The following MTOR variants were observed in gnomAD, a reference collection of about 807,000 sequenced individuals.
MTOR encodes serine/threonine-protein kinase mTOR.
Under a neutral mutation model 319.8 loss-of-function variants are expected in MTOR, and 70 were observed. The ratio of observed to expected loss-of-function variants is 0.22; its 90% confidence interval spans 0.18 to 0.27. The LOEUF (loss-of-function observed/expected upper bound fraction) is 0.27. MTOR is among the 10% of genes least tolerant of loss of function. MTOR has a pLI of 1.00. For missense variants in MTOR, 1,890 were observed against 3,274.4 expected, an observed-to-expected ratio of 0.58 and a Z score of 10.32; for synonymous variants, 1,183 against 1,211.4, an observed-to-expected ratio of 0.98 and a Z score of 0.49.
intron 12 of MTOR, 76 bp from the exon 13 acceptor site, chr1:11,238,124 T>C: frequency 7.1e-7 from 1 of 1,401,838 alleles, no homozygotes; most frequent in South Asian, 1.2e-5. Context: ...CTACCTCCAC[T>C]GCCATCAGCG....
intron 26 of MTOR, among the ~76,000 whole-genome samples, chr1:11,201,451 CA>C (rs1372391925): frequency 2.0e-5 from 3 of 152,182 alleles, no homozygotes; most frequent in African/African-American, 4.8e-5. Context: ...CCAACAGTCT[CA>C]GGGGCCATCA....
At chr1:11,241,968 A>G (rs1648099849) in intron 9 of MTOR, among the ~76,000 whole-genome samples, 1 of 152,234 alleles carries the variant, frequency 6.6e-6, no homozygotes, top group South Asian at 2.1e-4. Flanking sequence ...GCTCACCAAG[A>G]TAATTATGTA....
chr1:11,258,094 T>G, intron 3 of MTOR, among the ~76,000 whole-genome samples: 2 of 136,996 alleles, frequency 1.5e-5, no homozygotes, highest in East Asian at 2.2e-4. Flanking sequence ...CCGGCAAGAG[T>G]GAGACTCCAT....
chr1:11,211,716 G>T (rs1182613090), intron 23 of MTOR, among the ~76,000 whole-genome samples: 1 of 152,140 alleles, frequency 6.6e-6, no homozygotes, highest in African/African-American at 2.4e-5. Flanking sequence ...CACTGATACT[G>T]CTTGTCCAGG....
Position 11,238,055 on chromosome 1 carries a change from G to T in MTOR, c.2003-7C>A. The T allele has an allele frequency of 6.2e-7, 1 of 1,613,940 alleles. No individual in the cohort carries two copies. The highest frequency in any genetic ancestry group is 1.1e-5 in the South Asian group (1 of 91,058). ...CAGTAGCGAATGTCAGGGTCTGCAA[G>T]AGCAATGGAGCCTTTGAACATTTCC... On this transcript the variant is annotated splice_polypyrimidine_tract_variant and splice_region_variant and intron_variant, in intron 12 of 57. Coordinates refer to ENST00000361445, the MANE Select transcript of MTOR (RefSeq NM_004958.4).
intron 34 of MTOR, among the ~76,000 whole-genome samples, chr1:11,141,315 A>G (rs1643690182): frequency 6.6e-6 from 1 of 151,776 alleles, no homozygotes; most frequent in South Asian, 2.1e-4. Context: ...GTTTTGCCAC[A>G]TTGCCAAGGC....
chr1:11,199,332 A>G lies in MTOR; in HGVS notation c.4179T>C (p.Tyr1393=), dbSNP rs957704622. The part of the protein sequence containing the change: ...LGERAAKCRA[Y]AKALHYKELE... The stretch of plus-strand genomic sequence containing the variant: ...GTTCTTTGTAGTGTAGTGCTTTGGC[A>G]TATGCTCGGCACTTGGCAGCTCTCT... The change falls in exon 28 of 58, where the codon TAT becomes TAC. Residue 1393 remains tyrosine, a synonymous_variant. Transcript: ENST00000361445. The surrounding 1 kb of genome is among the most constrained non-coding windows in gnomAD (Gnocchi z 4.5). The G allele has an allele frequency of 1.9e-6, 3 of 1,614,164 alleles. No individual in the cohort carries two copies. Among genetic ancestry groups the G allele is most frequent in the Non-Finnish European group, 1.7e-6 (2 of 1,180,028 alleles).
chr1:11,241,185 G>A (rs1303018600), intron 10 of MTOR, among the ~76,000 whole-genome samples: 1 of 151,928 alleles, frequency 6.6e-6, no homozygotes, highest in African/African-American at 2.4e-5. Context: ...GCCAGGCGTG[G>A]TGGCAGGCGC....
At chr1:11,206,494 T>C (rs1646142932) in intron 25 of MTOR, among the ~76,000 whole-genome samples, 2 of 152,234 alleles carry the variant, frequency 1.3e-5, no homozygotes, top group South Asian at 4.1e-4. Context: ...CGACAGCACC[T>C]AACTCATGGG....
intron 19 of MTOR, among the ~76,000 whole-genome samples, 153 bp downstream of exon 19, chr1:11,228,515 T>C (rs1330346108): frequency 2.6e-5 from 4 of 152,068 alleles, no homozygotes; most frequent in African/African-American, 9.7e-5. Flanking sequence ...TGGAGTGAGC[T>C]GATTGTACAC....
At chr1:11,231,890 AT>A (rs879698944) in intron 16 of MTOR, among the ~76,000 whole-genome samples, 147 of 145,268 alleles carry the variant, frequency 1.0e-3, no homozygotes, top group Middle Eastern at 3.5e-3. Flanking sequence ...ATGCCCAGCT[AT>A]TTTTTTTTTT....
Position 11,130,692 on chromosome 1 carries a change from A to G in MTOR, c.5450T>C (p.Leu1817Pro), listed in dbSNP as rs2100432168. 1.2e-6 allele frequency: 2 copies of G among 1,609,418 alleles called. No individual in the cohort carries two copies. The highest frequency in any genetic ancestry group is 1.7e-6 in the Non-Finnish European group (2 of 1,178,198). ...QNQARDEKKK[L>P]RHASGANITN... ...GATGTTGGCCCCGCTGGCATGACGC[A>G]GTTTCTTCTTCTCATCGCGGGCTTG... Residue 1817 changes from leucine to proline, a missense_variant, in exon 39 of 58, where the codon CTG (leucine) becomes CCG (proline). This residue lies in a region of MTOR where 91 missense variants were observed against 90.4 expected (regional missense o/e 1.01). Transcript: ENST00000361445.
At chr1:11,132,537 C>T (rs1643212665) in intron 38 of MTOR, 1 of 152,384 alleles carries the variant, frequency 6.6e-6, no homozygotes, top group African/African-American at 2.4e-5. Flanking sequence ...AAAGTATATT[C>T]TCACCAAAGA....
At chr1:11,118,269 C>G (rs1400028582) in intron 49 of MTOR, among the ~76,000 whole-genome samples, 2 of 99,108 alleles carry the variant, frequency 2.0e-5, no homozygotes, top group Non-Finnish European at 3.7e-5. Context: ...CAGAGTCTTG[C>G]TCTATTGCCC....
rs770896560 is a variant in MTOR at position 11,259,296 on chromosome 1, G to T, written c.114C>A (p.Ala38=). The change falls in exon 2 of 58, where the codon GCC becomes GCA. Residue 38 remains alanine (A), a synonymous_variant. Coordinates refer to ENST00000361445, the MANE Select transcript of MTOR (RefSeq NM_004958.4). ...GLKSRNEETR[A]KAAKELQHYV... ...AGTGCTGGAGCTCCTTGGCGGCTTT[G>T]GCCCTGGTTTCCTCATTCCGGCTCT... is the stretch of plus-strand genomic sequence containing the variant. The T allele has an allele frequency of 2.5e-6, 4 of 1,613,948 alleles. No homozygotes were observed. The highest frequency in any genetic ancestry group is 1.7e-6 in the Non-Finnish European group (2 of 1,179,928).
intron 25 of MTOR, among the ~76,000 whole-genome samples, chr1:11,207,748 G>A (rs1172536360): frequency 6.6e-6 from 1 of 151,524 alleles, no homozygotes; most frequent in Non-Finnish European, 1.5e-5. Context: ...CTTCCATTTT[G>A]GCCTGCCAAA....
intron 25 of MTOR, among the ~76,000 whole-genome samples, chr1:11,206,136 T>C (rs181622527): frequency 6.6e-6 from 1 of 152,382 alleles, no homozygotes; most frequent in African/African-American, 2.4e-5. Flanking sequence ...GACTGATTTT[T>C]AGACCTTGCT....
intron 16 of MTOR, among the ~76,000 whole-genome samples, chr1:11,231,642 C>A (rs1647019964): frequency 6.6e-6 from 1 of 152,206 alleles, no homozygotes; most frequent in African/African-American, 2.4e-5. Flanking sequence ...ATCACTGGAT[C>A]AAGAGACAAA....
intron 25 of MTOR, among the ~76,000 whole-genome samples, chr1:11,205,667 T>C (rs1339159381): frequency 6.6e-6 from 1 of 152,250 alleles, no homozygotes; most frequent in Non-Finnish European, 1.5e-5. Context: ...CTAAGGATAA[T>C]GTGTCTAAAT....
Sources: allele counts gnomAD v4.1 joint callset (sites outside exome capture counted in the v4.1 genomes callset), GRCh38; gene constraint gnomAD v4.1.1; regional missense constraint gnomAD v4.1.1; non-coding constraint Gnocchi (gnomAD v3.1); transcripts MANE v1.5; gene names NCBI Gene and HGNC (gene_info 2026-07-23, HGNC 2026-07-21).